FERMT1: variants seen among roughly 807,000 people sequenced by gnomAD.
The protein encoded by FERMT1 is fermitin family homolog 1.
Under a neutral mutation model 85.3 loss-of-function variants are expected in FERMT1, and 60 were observed. That is an observed-to-expected ratio of 0.70 (90% CI 0.57 to 0.87). The LOEUF (loss-of-function observed/expected upper bound fraction) is 0.87, where lower values mean the gene tolerates loss of function less well. Ranked by LOEUF, FERMT1 falls within the 40% of genes least tolerant of loss-of-function variation. The pLI is 0.00. For missense variants in FERMT1, 701 were observed against 818.9 expected, an observed-to-expected ratio of 0.86 and a Z score of 1.76; for synonymous variants, 275 against 301.1, an observed-to-expected ratio of 0.91 and a Z score of 0.90.
intron 2 of FERMT1, 72 bp downstream of exon 2, chr20:6,119,332 C>T (rs1217029020): frequency 2.1e-6 from 3 of 1,438,042 alleles, no homozygotes; most frequent in Non-Finnish European, 2.0e-6. Context: ...GAAAAACCTA[C>T]ACCAGCCATT....
At chr20:6,097,130 T>C (rs1251993293) in intron 7 of FERMT1, 97 bp from the exon 8 acceptor site, 5 of 1,178,692 alleles carry the variant, frequency 4.2e-6, no homozygotes, top group African/African-American at 1.5e-5. Flanking sequence ...GACTATTCCC[T>C]TGGAATACTG....
In FERMT1 at chr20:6,118,946, G is replaced by GT. The variant is rs528959334; in HGVS notation, c.151+457dup. On this transcript the variant is annotated intron_variant, in intron 2 of 14. Transcript: ENST00000217289. ...TTTAGCTTGCCACCAAAGACTCAAG[G>GT]TTTTTTTTTTTTTTCCCCCGACACC... 4.1e-3 allele frequency among the ~76,000 whole-genome samples: 589 copies of GT among 144,484 alleles called. 2 individuals carry two copies. The highest frequency in any genetic ancestry group is 0.011 in the Middle Eastern group (3 of 276). The allele number at this position is 144,484 out of a possible 152,430, so 94.8% of individuals were successfully genotyped here.
rs562012147 is a variant in FERMT1, at chr20:6,080,146, C to G, written c.1719-569G>C. Among the ~76,000 whole-genome samples, 7 of 151,936 alleles carry G rather than the reference C, an allele frequency of 4.6e-5. No individual in the cohort carries two copies. The South Asian group carries it at 1.2e-3, about 27-fold the overall frequency. ...GTATTCCAGGCAGAGGGCACAGCCACTTAAAAAAATTTTTTTTTTAATGTG... is the reference window on the plus strand; with the variant it reads ...GTATTCCAGGCAGAGGGCACAGCCAGTTAAAAAAATTTTTTTTTTAATGTG... On this transcript the variant is annotated intron_variant, in intron 13 of 14. Transcript: ENST00000217289.
Position 6,096,950 on chromosome 20 carries a change from A to C in FERMT1, c.1041T>G (p.Leu347=). The C allele has an allele frequency of 6.2e-7, 1 of 1,614,098 alleles. No homozygotes were observed. The highest frequency in any genetic ancestry group is 1.3e-5 in the African/African-American group (1 of 75,046). The part of the protein sequence containing the change: ...ESEVDEIEAA[L]SNLEVTLEGG... ...CTTCTAGGGTTACTTCCAAATTAGA[A>C]AGCGCCGCTTCTATTTCATCAACCT... Residue 347 remains leucine, a synonymous_variant, in exon 8 of 15, where the codon CTT becomes CTG. Transcript: ENST00000217289.
At chr20:6,079,719 G>T in intron 13 of FERMT1, 142 bp from the exon 14 acceptor site, 1 of 821,010 alleles carries the variant, frequency 1.2e-6, no homozygotes, top group Non-Finnish European at 1.9e-6. Flanking sequence ...ACTTTCTGCA[G>T]GGGGGCATTT....
At chr20:6,085,390 AC>A in intron 11 of FERMT1, 103 bp from the exon 12 acceptor site, 1 of 979,330 alleles carries the variant, frequency 1.0e-6, no homozygotes, top group South Asian at 1.3e-5. Context: ...CAAAACCATC[AC>A]CTTCCAAGCA....
chr20:6,120,043 T>A (rs1052361380), intron 1 of FERMT1, among the ~76,000 whole-genome samples: 10 of 152,300 alleles, frequency 6.6e-5, no homozygotes, highest in African/African-American at 2.4e-4. Context: ...CAAATTATAC[T>A]TCAATAAAGT....
Position 6,076,115 on chromosome 20 carries a change from A to G in FERMT1, c.*1058T>C. 1 of 197,504 alleles carries G rather than the reference A, an allele frequency of 5.1e-6. No homozygotes were observed. The highest frequency in any genetic ancestry group is 1.0e-5 in the Non-Finnish European group (1 of 95,338). 12.2% of individuals were successfully genotyped at this position (197,504 alleles called of 1,614,324 possible). A position where few individuals can be genotyped will look rare whatever the true frequency, so the allele number is the denominator to read the frequency against. Reference sequence around the variant, plus strand: ...AGGAGTCGTACCAACATAGATACCAAATCCAGGAGAACACAGACCAGCGAT... The same window carrying G: ...AGGAGTCGTACCAACATAGATACCAGATCCAGGAGAACACAGACCAGCGAT... On this transcript the variant is annotated 3_prime_UTR_variant, in exon 15 of 15. Transcript: ENST00000217289.
intron 11 of FERMT1, 130 bp from the exon 12 acceptor site, chr20:6,085,417 C>T (rs1230412304): frequency 1.3e-6 from 1 of 791,056 alleles, no homozygotes. Context: ...TGAAGTGGCA[C>T]ACGTTGTGAG....
intron 10 of FERMT1, among the ~76,000 whole-genome samples, chr20:6,088,487 C>T (rs1855234578): frequency 6.6e-6 from 1 of 152,172 alleles, no homozygotes; most frequent in East Asian, 1.9e-4. Flanking sequence ...TACTAGACTG[C>T]ATTCAAGGCT....
chr20:6,111,629 C>CT (rs1379959145), intron 4 of FERMT1, among the ~76,000 whole-genome samples: 7 of 149,470 alleles, frequency 4.7e-5, no homozygotes, highest in African/African-American at 1.7e-4. Flanking sequence ...AAGACTCTGT[C>CT]TAAAAAAACA....
intron 9 of FERMT1, among the ~76,000 whole-genome samples, chr20:6,091,550 G>T (rs112341841): frequency 8.5e-5 from 13 of 152,212 alleles, no homozygotes; most frequent in African/African-American, 2.9e-4. Flanking sequence ...GGAACATATT[G>T]TTGTTTAATA....
At chr20:6,078,341 G>C (rs1451100713) in intron 14 of FERMT1, among the ~76,000 whole-genome samples, 1 of 152,214 alleles carries the variant, frequency 6.6e-6, no homozygotes, top group East Asian at 1.9e-4. Context: ...ACACTGCTGA[G>C]AGGAAGTCAG....
At chr20:6,099,745 C>G (rs943019957) in intron 6 of FERMT1, among the ~76,000 whole-genome samples, 7 of 150,992 alleles carry the variant, frequency 4.6e-5, no homozygotes, top group Non-Finnish European at 5.9e-5. Context: ...TCACTAGTCC[C>G]AGCGACTTGG....
chr20:6,101,248 C>T lies in FERMT1; in HGVS notation c.850-3617G>A, dbSNP rs1982650620. ...GTATCGTTTTGCCCTTTGATAAGCACATCCAGTGTTACTGTTCCAAAGAAA... is the reference window on the plus strand; with the variant it reads ...GTATCGTTTTGCCCTTTGATAAGCATATCCAGTGTTACTGTTCCAAAGAAA... On this transcript the variant is annotated intron_variant, in intron 6 of 14. Transcript: ENST00000217289. 2.0e-5 allele frequency among the ~76,000 whole-genome samples: 3 copies of T among 152,324 alleles called. 1 individual carries two copies. Among genetic ancestry groups the T allele is most frequent in the African/African-American group, 2.4e-5 (1 of 41,584 alleles).
At position 6,121,448 on chromosome 20, in the gene FERMT1, T is replaced by C. The variant is rs115984620; in HGVS notation, c.-19+1326A>G. ...CCTTATGTTTCTATAGTCAGAAGCA[T>C]GCAACGATGCAATGCATCTCCTCCC... On this transcript the variant is annotated intron_variant, in intron 1 of 14. Coordinates refer to ENST00000217289, the MANE Select transcript of FERMT1 (RefSeq NM_017671.5). 2.6e-3 allele frequency among the ~76,000 whole-genome samples: 403 copies of C among 152,342 alleles called. 1 individual carries two copies. The highest frequency in any genetic ancestry group is 8.2e-3 in the African/African-American group (343 of 41,586).
At chr20:6,107,664 C>A (rs377549365) in intron 5 of FERMT1, 30 bp from the exon 6 acceptor site, 1 of 1,288,096 alleles carries the variant, frequency 7.8e-7, no homozygotes, top group African/African-American at 1.5e-5. Flanking sequence ...GTTTTAGAAG[C>A]CAGTCAATTT....
intron 14 of FERMT1, among the ~76,000 whole-genome samples, chr20:6,078,362 A>G (rs1406212686): frequency 6.6e-6 from 1 of 152,242 alleles, no homozygotes; most frequent in East Asian, 1.9e-4. Flanking sequence ...GGTTCTTAAC[A>G]AATGTGTGGG....
rs1319176705 is a variant in FERMT1, at chr20:6,076,131, G to A, written c.*1042C>T. On this transcript the variant is annotated 3_prime_UTR_variant, in exon 15 of 15. Coordinates refer to ENST00000217289, the MANE Select transcript of FERMT1 (RefSeq NM_017671.5). ...TAGATACCAAATCCAGGAGAACACA[G>A]ACCAGCGATAAGAGGGACGCTTCCC... 1 of 212,858 alleles carries A rather than the reference G, an allele frequency of 4.7e-6. No homozygotes were observed. Among genetic ancestry groups the A allele is most frequent in the African/African-American group, 2.3e-5 (1 of 43,062 alleles). 13.2% of individuals were successfully genotyped at this position (212,858 alleles called of 1,614,324 possible).
Sources: allele counts gnomAD v4.1 joint callset (sites outside exome capture counted in the v4.1 genomes callset), GRCh38; gene constraint gnomAD v4.1.1; transcripts MANE v1.5; gene names NCBI Gene and HGNC (gene_info 2026-07-23, HGNC 2026-07-21).